NAALADL2: variants seen among roughly 807,000 people sequenced by gnomAD.
The protein encoded by NAALADL2 is inactive N-acetylated-alpha-linked acidic dipeptidase-like protein 2.
In NAALADL2, 76 loss-of-function variants were observed where a neutral mutation model predicts 87.2. That is an observed-to-expected ratio of 0.87 (90% CI 0.72 to 1.05). The LOEUF is 1.05. NAALADL2 is among the 50% of genes least tolerant of loss of function. The pLI is 0.00. For synonymous variants in NAALADL2, 354 were observed against 331.0 expected (o/e 1.07, Z -0.75); for missense variants, 1,089 against 945.8 (o/e 1.15, Z -1.99).
chr3:175,320,434 C>A (rs899831187), intron 4 of NAALADL2, among the ~76,000 whole-genome samples: 1 of 152,012 alleles, frequency 6.6e-6, no homozygotes, highest in Non-Finnish European at 1.5e-5. Flanking sequence ...AGAAGGAGAC[C>A]CCCATAAGGT....
intron 13 of NAALADL2, among the ~76,000 whole-genome samples, chr3:175,801,969 T>C (rs115189277): frequency 1.6e-3 from 241 of 152,224 alleles, no homozygotes; most frequent in Non-Finnish European, 2.7e-3. Context: ...CAAACATATA[T>C]AAAAGAAGAG....
intron 2 of NAALADL2, among the ~76,000 whole-genome samples, chr3:175,138,427 A>G (rs147298320): frequency 7.9e-5 from 12 of 152,184 alleles, no homozygotes; most frequent in African/African-American, 2.2e-4. Flanking sequence ...TAGTAATATA[A>G]TTCATAACAC....
intron 6 of NAALADL2, among the ~76,000 whole-genome samples, chr3:175,449,489 G>A (rs9855893): frequency 0.62 from 91,979 of 148,782 alleles, 29,546 homozygotes; most frequent in South Asian, 0.75. Context: ...TCCGCCTCCC[G>A]GGTTCACACC....
At chr3:175,552,517 C>T (rs146802619) in intron 9 of NAALADL2, among the ~76,000 whole-genome samples, 1 of 152,212 alleles carries the variant, frequency 6.6e-6, no homozygotes, top group Non-Finnish European at 1.5e-5. Context: ...TTTTACATTA[C>T]CAAGATTTAC....
At chr3:175,334,738 G>T (rs1053448624) in intron 5 of NAALADL2, among the ~76,000 whole-genome samples, 2 of 152,082 alleles carry the variant, frequency 1.3e-5, no homozygotes, top group African/African-American at 4.8e-5. Context: ...GAGCAAGTTT[G>T]GTTTGCAAGG....
intron 1 of NAALADL2, among the ~76,000 whole-genome samples, chr3:174,442,229 G>A (rs1714707700): frequency 6.6e-6 from 1 of 152,092 alleles, no homozygotes; most frequent in Non-Finnish European, 1.5e-5. Flanking sequence ...AAGTGCTCTG[G>A]GAGAATGGGG....
chr3:174,677,492 T>C (rs1727145174), intron 2 of NAALADL2, among the ~76,000 whole-genome samples: 1 of 152,110 alleles, frequency 6.6e-6, no homozygotes, highest in South Asian at 2.1e-4. Flanking sequence ...AACATTCTTA[T>C]ACACAGTCAA....
chr3:175,777,172 A>G (rs1305666389), intron 13 of NAALADL2, among the ~76,000 whole-genome samples: 1 of 151,824 alleles, frequency 6.6e-6, no homozygotes, highest in Non-Finnish European at 1.5e-5. Context: ...TTCTTTCAGA[A>G]GCTTTTTTTC....
chr3:175,746,365 GTT>G (rs59371769), intron 12 of NAALADL2, among the ~76,000 whole-genome samples: 23,111 of 138,598 alleles, frequency 0.17, 2,007 homozygotes, highest in African/African-American at 0.25. Flanking sequence ...TATGTAATAT[GTT>G]TTTTTTTTCT....
intron 2 of NAALADL2, among the ~76,000 whole-genome samples, chr3:175,204,475 G>A (rs1029175158): frequency 6.6e-6 from 1 of 152,148 alleles, no homozygotes; most frequent in African/African-American, 2.4e-5. Context: ...CAAACCCACA[G>A]CCAACATAAT....
At chr3:175,187,439 A>G (rs1206657173) in intron 2 of NAALADL2, among the ~76,000 whole-genome samples, 1 of 152,052 alleles carries the variant, frequency 6.6e-6, no homozygotes, top group Non-Finnish European at 1.5e-5. Flanking sequence ...CTTTTCATTT[A>G]TTCAAACCCT....
intron 2 of NAALADL2, among the ~76,000 whole-genome samples, chr3:175,148,873 C>T (rs140646121): frequency 6.6e-6 from 1 of 152,156 alleles, no homozygotes; most frequent in East Asian, 1.9e-4. Flanking sequence ...AGTCAGGTAA[C>T]GTGATACATC....
intron 2 of NAALADL2, among the ~76,000 whole-genome samples, chr3:175,174,465 T>G (rs1409622487): frequency 6.6e-6 from 1 of 152,096 alleles, no homozygotes; most frequent in Non-Finnish European, 1.5e-5. Flanking sequence ...GTCTTTCATA[T>G]TGCCCTCAGT....
At chr3:175,369,284 C>T (rs1356882581) in intron 5 of NAALADL2, among the ~76,000 whole-genome samples, 1 of 150,138 alleles carries the variant, frequency 6.7e-6, no homozygotes, top group East Asian at 2.0e-4. Flanking sequence ...TTTACATACA[C>T]CTGATATGTG....
At chr3:175,562,592 T>C (rs534279958) in intron 9 of NAALADL2, among the ~76,000 whole-genome samples, 224 of 152,044 alleles carry the variant, frequency 1.5e-3, no homozygotes, top group African/African-American at 5.1e-3. Flanking sequence ...AGATTGCAAG[T>C]ACAATATCAA....
intron 1 of NAALADL2, among the ~76,000 whole-genome samples, chr3:174,965,192 A>C (rs1410168655): frequency 6.6e-6 from 1 of 152,118 alleles, no homozygotes; most frequent in Non-Finnish European, 1.5e-5. Flanking sequence ...TATTGGCTGG[A>C]GATCTCAGTT....
intron 1 of NAALADL2, among the ~76,000 whole-genome samples, chr3:174,509,233 C>T (rs551121009): frequency 1.1e-4 from 17 of 151,960 alleles, no homozygotes; most frequent in Middle Eastern, 6.8e-3. Context: ...TTCAGTATTT[C>T]ACCATATAAA....
chr3:175,540,327 A>G (rs947527584), intron 9 of NAALADL2, among the ~76,000 whole-genome samples: 1 of 152,178 alleles, frequency 6.6e-6, no homozygotes, highest in African/African-American at 2.4e-5. Context: ...ATGAAGTGCC[A>G]AGGCCTGAAG....
intron 2 of NAALADL2, among the ~76,000 whole-genome samples, chr3:174,716,870 C>T (rs557880392): frequency 2.9e-4 from 44 of 152,036 alleles, no homozygotes; most frequent in African/African-American, 1.0e-3. Flanking sequence ...AAGCCTAGCT[C>T]CAGAAGACAG....
Sources: gnomAD v4.1 joint callset for allele counts (sites outside exome capture counted in the v4.1 genomes callset) on GRCh38, gnomAD v4.1.1 for gene constraint, MANE v1.5 for transcripts, NCBI Gene and HGNC (gene_info 2026-07-23, HGNC 2026-07-21) for gene names.